Variants in BNC2 observed in about 807,000 individuals in gnomAD.
BNC2 encodes basonuclin zinc finger protein 2.
BNC2 carries 20 observed loss-of-function variants against 76.3 expected under a neutral mutation model. That is an observed-to-expected ratio of 0.26 (90% CI 0.18 to 0.38). The LOEUF is 0.38. Among genes scored for constraint, BNC2 ranks in the 10% least tolerant of loss-of-function variants. BNC2 has a pLI of 1.00. For missense variants in BNC2, 1,382 were observed against 1,399.8 expected, an observed-to-expected ratio of 0.99 and a Z score of 0.20; for synonymous variants, 582 against 514.8, an observed-to-expected ratio of 1.13 and a Z score of -1.77.
At chr9:16,523,094 G>C (rs1432871140) in intron 5 of BNC2, among the ~76,000 whole-genome samples, 1 of 152,172 alleles carries the variant, frequency 6.6e-6, no homozygotes, top group Non-Finnish European at 1.5e-5. Context: ...CAGGTATCGA[G>C]TTTCAGTGTC....
At chr9:16,783,905 A>G (rs1826214595) in intron 1 of BNC2, among the ~76,000 whole-genome samples, 2 of 152,178 alleles carry the variant, frequency 1.3e-5, no homozygotes, top group Non-Finnish European at 2.9e-5. Context: ...ATTCTTTTAT[A>G]TTTTTAAAAT....
Position 16,734,327 on chromosome 9 carries a change from A to G in BNC2, c.129+4033T>C, listed in dbSNP as rs117121520. ...GCTTATTCTCTTAAAAACCTGGGAC[A>G]TGAATTTGGGTTAACAGCTTATAGA... On this transcript the variant is annotated intron_variant, in intron 2 of 6. Coordinates refer to ENST00000380672, the MANE Select transcript of BNC2 (RefSeq NM_017637.6). Among the ~76,000 whole-genome samples, 658 of 152,336 alleles carry G rather than the reference A, an allele frequency of 4.3e-3. 1 individual carries two copies. The highest frequency in any genetic ancestry group is 0.014 in the Middle Eastern group (4 of 294).
At chr9:16,638,778 C>T (rs540945542) in intron 3 of BNC2, among the ~76,000 whole-genome samples, 85 of 152,198 alleles carry the variant, frequency 5.6e-4, no homozygotes, top group African/African-American at 1.8e-3. Context: ...TTAATGTTTC[C>T]TTCTCTCCAT....
chr9:16,844,327 T>A (rs772353591), intron 1 of BNC2, among the ~76,000 whole-genome samples: 12 of 152,076 alleles, frequency 7.9e-5, no homozygotes, highest in Non-Finnish European at 1.8e-4. Flanking sequence ...AATATCCATA[T>A]GCCTTTACAA....
At chr9:16,582,054 T>C (rs1819642862) in intron 4 of BNC2, among the ~76,000 whole-genome samples, 1 of 152,124 alleles carries the variant, frequency 6.6e-6, no homozygotes, top group Non-Finnish European at 1.5e-5. Context: ...TAGAATAACA[T>C]GACATTTATA....
chr9:16,746,435 C>G (rs1825006606), intron 1 of BNC2, among the ~76,000 whole-genome samples: 1 of 151,950 alleles, frequency 6.6e-6, no homozygotes, highest in Admixed American at 6.5e-5. Context: ...CCAATCTCTG[C>G]TAACTGCAAC....
At chr9:16,839,590 C>T (rs1418052888) in intron 1 of BNC2, among the ~76,000 whole-genome samples, 4 of 152,144 alleles carry the variant, frequency 2.6e-5, no homozygotes, top group Non-Finnish European at 5.9e-5. Context: ...GTCTAAAGCA[C>T]GCTGCGCACT....
intron 4 of BNC2, among the ~76,000 whole-genome samples, chr9:16,561,944 G>T (rs921451252): frequency 6.6e-6 from 1 of 152,144 alleles, no homozygotes; most frequent in African/African-American, 2.4e-5. Flanking sequence ...GGTCGAAGCT[G>T]CAGTGAGCCG....
intron 4 of BNC2, among the ~76,000 whole-genome samples, chr9:16,576,833 G>GT (rs1819498918): frequency 6.6e-6 from 1 of 152,180 alleles, no homozygotes; most frequent in Non-Finnish European, 1.5e-5. Context: ...CACCTCCTGG[G>GT]TTTAAGCGAT....
intron 4 of BNC2, among the ~76,000 whole-genome samples, chr9:16,554,216 A>G (rs1818752355): frequency 6.6e-6 from 1 of 152,158 alleles, no homozygotes; most frequent in Non-Finnish European, 1.5e-5. Context: ...TACTACACCA[A>G]TATTACTGCA....
chr9:16,856,751 T>C (rs757116895), intron 1 of BNC2, among the ~76,000 whole-genome samples: 8 of 152,232 alleles, frequency 5.3e-5, no homozygotes, highest in Admixed American at 3.3e-4. Context: ...AAGTATGTTT[T>C]CTTTTAAATC....
At chr9:16,559,538 T>C (rs1341942789) in intron 4 of BNC2, among the ~76,000 whole-genome samples, 1 of 152,210 alleles carries the variant, frequency 6.6e-6, no homozygotes, top group Non-Finnish European at 1.5e-5. Context: ...GAAAATTCTG[T>C]TTTCACCACA....
intron 3 of BNC2, among the ~76,000 whole-genome samples, chr9:16,585,550 T>C: frequency 6.6e-6 from 1 of 152,184 alleles, no homozygotes; most frequent in African/African-American, 2.4e-5. Flanking sequence ...TTAAACAATA[T>C]GGTCTAAATA....
At chr9:16,517,875 T>A (rs1470352236) in intron 5 of BNC2, among the ~76,000 whole-genome samples, 1 of 152,114 alleles carries the variant, frequency 6.6e-6, no homozygotes, top group Non-Finnish European at 1.5e-5. Flanking sequence ...TACTAGATAA[T>A]TGCAGAATTC....
intron 1 of BNC2, among the ~76,000 whole-genome samples, chr9:16,847,764 G>C (rs894546136): frequency 1.3e-5 from 2 of 152,104 alleles, no homozygotes; most frequent in Non-Finnish European, 2.9e-5. Flanking sequence ...CCTTGATAAA[G>C]ACAGAAAAAT....
At chr9:16,529,944 G>A (rs965020978) in intron 5 of BNC2, among the ~76,000 whole-genome samples, 1 of 152,076 alleles carries the variant, frequency 6.6e-6, no homozygotes, top group African/African-American at 2.4e-5. Flanking sequence ...TGCCTCCCAG[G>A]CTCAACCGAT....
At chr9:16,629,937 C>T (rs756428104) in intron 3 of BNC2, among the ~76,000 whole-genome samples, 2 of 152,106 alleles carry the variant, frequency 1.3e-5, no homozygotes, top group South Asian at 2.1e-4. Flanking sequence ...GACGGTTTGC[C>T]GCATCAATTG....
At chr9:16,772,062 T>C (rs999739633) in intron 1 of BNC2, among the ~76,000 whole-genome samples, 3 of 152,240 alleles carry the variant, frequency 2.0e-5, no homozygotes, top group Admixed American at 2.0e-4. Context: ...AATGATAGTA[T>C]TCAAATACAA....
intron 1 of BNC2, among the ~76,000 whole-genome samples, chr9:16,787,542 A>G (rs972487450): frequency 6.6e-6 from 1 of 152,164 alleles, no homozygotes; most frequent in South Asian, 2.1e-4. Flanking sequence ...CATGCTTTAC[A>G]TCATGGAGCT....
Sources: allele counts gnomAD v4.1 joint callset (sites outside exome capture counted in the v4.1 genomes callset), GRCh38; gene constraint gnomAD v4.1.1; transcripts MANE v1.5; gene names NCBI Gene and HGNC (gene_info 2026-07-23, HGNC 2026-07-21).